LSM12: variants seen among roughly 807,000 people sequenced by gnomAD.
LSM12 encodes the protein LSM12 homolog, also known as protein LSM12.
For synonymous variants in LSM12, 74 were observed against 87.3 expected, an observed-to-expected ratio of 0.85 and a Z score of 0.85; for missense variants, 108 against 238.9, an observed-to-expected ratio of 0.45 and a Z score of 3.61.
intron 2 of LSM12, among the ~76,000 whole-genome samples, chr17:44,047,409 G>C (rs1402885058): frequency 6.6e-6 from 1 of 151,784 alleles, no homozygotes; most frequent in Non-Finnish European, 1.5e-5. Context: ...ACCACGCCCA[G>C]CTAATTTTTG....
intron 2 of LSM12, among the ~76,000 whole-genome samples, chr17:44,055,684 T>C (rs1422229699): frequency 2.1e-5 from 3 of 143,876 alleles, no homozygotes; most frequent in African/African-American, 7.7e-5. Context: ...CAAATATATA[T>C]ATATAAAATA....
intron 2 of LSM12, among the ~76,000 whole-genome samples, chr17:44,057,390 C>T (rs927849284): frequency 7.4e-5 from 11 of 149,430 alleles, no homozygotes; most frequent in South Asian, 2.1e-4. Context: ...CCTCGTGATC[C>T]GCCCGCCTCG....
chr17:44,054,863 G>C (rs2049691157), intron 2 of LSM12, among the ~76,000 whole-genome samples: 1 of 150,874 alleles, frequency 6.6e-6, no homozygotes, highest in African/African-American at 2.4e-5. Context: ...TTTTGAGACA[G>C]AGTCTCAATC....
intron 2 of LSM12, among the ~76,000 whole-genome samples, chr17:44,059,866 T>C (rs2049771973): frequency 6.6e-6 from 1 of 152,136 alleles, no homozygotes; most frequent in African/African-American, 2.4e-5. Context: ...ATGATACCTT[T>C]GACTAAAGTT....
At chr17:44,064,246 C>T (rs562824242) in intron 1 of LSM12, among the ~76,000 whole-genome samples, 1 of 125,560 alleles carries the variant, frequency 8.0e-6, no homozygotes, top group South Asian at 3.0e-4. Flanking sequence ...TTCTGTTCTT[C>T]GTATAATACT....
At chr17:44,053,359 T>C (rs1167948752) in intron 2 of LSM12, among the ~76,000 whole-genome samples, 1 of 152,232 alleles carries the variant, frequency 6.6e-6, no homozygotes, top group African/African-American at 2.4e-5. Context: ...AAAGATTTAC[T>C]ATCTGGCCCT....
At chr17:44,055,704 A>G (rs1414459472) in intron 2 of LSM12, among the ~76,000 whole-genome samples, 1 of 144,656 alleles carries the variant, frequency 6.9e-6, no homozygotes, top group Non-Finnish European at 1.5e-5. Context: ...ATATATATAT[A>G]ATATATAAAA....
chr17:44,040,369 T>C, intron 2 of LSM12, 113 bp from the exon 3 acceptor site: 1 of 734,066 alleles, frequency 1.4e-6, no homozygotes, highest in Non-Finnish European at 2.3e-6. Flanking sequence ...GGACAGATTC[T>C]GTTTTCTCAG....
At chr17:44,040,339 A>C in intron 2 of LSM12, 83 bp from the exon 3 acceptor site, 1 of 994,026 alleles carries the variant, frequency 1.0e-6, no homozygotes, top group South Asian at 1.4e-5. Flanking sequence ...TGAAGAAAGG[A>C]GGCCAGGAAA....
chr17:44,045,935 A>AC (rs2049557225), intron 2 of LSM12, among the ~76,000 whole-genome samples: 1 of 89,618 alleles, frequency 1.1e-5, no homozygotes, highest in African/African-American at 4.2e-5. Flanking sequence ...AAAATATTTT[A>AC]CTTTTTTTTT....
At chr17:44,049,141 A>G (rs563923443) in intron 2 of LSM12, among the ~76,000 whole-genome samples, 1 of 152,252 alleles carries the variant, frequency 6.6e-6, no homozygotes, top group South Asian at 2.1e-4. Context: ...CAGTGAGCTG[A>G]GCTTGTGCCA....
chr17:44,056,887 A>T (rs1225762861), intron 2 of LSM12, among the ~76,000 whole-genome samples: 6 of 152,044 alleles, frequency 3.9e-5, no homozygotes, highest in Admixed American at 3.9e-4. Context: ...GCTACTTGGG[A>T]GGCTGAGGCA....
At chr17:44,051,000 G>A (rs888673294) in intron 2 of LSM12, among the ~76,000 whole-genome samples, 4 of 152,140 alleles carry the variant, frequency 2.6e-5, no homozygotes, top group East Asian at 1.9e-4. Flanking sequence ...GGGGCTGGAC[G>A]TAGTGGCTCA....
intron 2 of LSM12, among the ~76,000 whole-genome samples, chr17:44,042,372 T>C (rs1025461523): frequency 6.6e-6 from 1 of 152,202 alleles, no homozygotes; most frequent in Non-Finnish European, 1.5e-5. Flanking sequence ...ATTCTGCTTT[T>C]ACAGTGATCC....
rs2049575571 is a variant in LSM12 at position 44,046,823 on chromosome 17, G to A, written c.259-6567C>T. Among the ~76,000 whole-genome samples, 3 of 145,274 alleles carry A rather than the reference G, an allele frequency of 2.1e-5. No homozygotes were observed. The South Asian group carries it at 6.7e-4, about 32-fold the overall frequency. ...TTGGCTCACTGCAACCTCCGCCTCT[G>A]GGGTTCAAGTGATTCTCCTGCCTCA... On this transcript the variant is annotated intron_variant, in intron 2 of 4. Transcript: ENST00000293406.
At chr17:44,060,839 C>G (rs908266471) in intron 2 of LSM12, among the ~76,000 whole-genome samples, 2 of 152,194 alleles carry the variant, frequency 1.3e-5, no homozygotes, top group Non-Finnish European at 2.9e-5. Context: ...TCCTGCTTAA[C>G]AGTCCCATCC....
At position 44,040,082 on chromosome 17, in the gene LSM12, G is replaced by T. The variant is rs1006268552; in HGVS notation, c.368+65C>A. ...TAGGAAGACAACCACCCAAAAGCCT[G>T]CCACCAGACAGCACAACCAGGTAGC... On this transcript the variant is annotated intron_variant, in intron 3 of 4. Transcript: ENST00000293406. 1.4e-5 allele frequency: 18 copies of T among 1,270,328 alleles called. No individual in the cohort carries two copies. In the African/African-American group the frequency reaches 2.2e-4, roughly 16 times the overall value. The allele number at this position is 1,270,328 out of a possible 1,614,324, so 78.7% of individuals were successfully genotyped here.
At chr17:44,064,436 T>C (rs1166526218) in intron 1 of LSM12, among the ~76,000 whole-genome samples, 1 of 152,156 alleles carries the variant, frequency 6.6e-6, no homozygotes, top group Non-Finnish European at 1.5e-5. Flanking sequence ...CAAGTAAAAG[T>C]TGAGTAATTC....
chr17:44,040,921 C>A (rs953860525), intron 2 of LSM12, among the ~76,000 whole-genome samples: 2 of 151,644 alleles, frequency 1.3e-5, no homozygotes, highest in Admixed American at 6.6e-5. Flanking sequence ...GAGAAGGCTG[C>A]AGGGAGCTGA....
Sources: allele counts gnomAD v4.1 joint callset (sites outside exome capture counted in the v4.1 genomes callset), GRCh38; gene constraint gnomAD v4.1.1; transcripts MANE v1.5; gene names NCBI Gene and HGNC (gene_info 2026-07-23, HGNC 2026-07-21).